The following DBF4 variants were observed in gnomAD, a reference collection of about 807,000 sequenced individuals.
DBF4 encodes the protein DBF4-CDC7 kinase regulatory subunit.
A neutral mutation model predicts 76.6 loss-of-function variants in DBF4; 25 were observed. The ratio of observed to expected loss-of-function variants is 0.33; its 90% CI spans 0.24 to 0.46. The LOEUF (loss-of-function observed/expected upper bound fraction) is 0.46. DBF4 is among the 20% of genes least tolerant of loss of function. The pLI is 1.00. For missense variants in DBF4, 638 were observed against 760.8 expected, an observed-to-expected ratio of 0.84 and a Z score of 1.90; for synonymous variants, 213 against 258.0, an observed-to-expected ratio of 0.83 and a Z score of 1.67.
chr7:87,888,310 CTTTTA>C (rs1236330742), intron 6 of DBF4: 2 of 984,948 alleles, frequency 2.0e-6, no homozygotes, highest in African/African-American at 3.5e-5. Context: ...GTAACAGGTA[CTTTTA>C]TTTATTCTGT....
rs751644133 is a variant in DBF4, at chr7:87,907,454, C to T, written c.1316C>T (p.Thr439Ile). 2.5e-5 allele frequency: 40 copies of T among 1,613,840 alleles called. No individual in the cohort carries two copies. Among genetic ancestry groups the T allele is most frequent in the Non-Finnish European group, 3.3e-5 (39 of 1,179,942 alleles). The stretch of plus-strand genomic sequence containing the variant: ...AGTAATAAATGTTCCATGTTAAGTA[C>T]AGCTGAAGATGACATAAGACAGAAT... ...KMSNKCSMLS[T>I]AEDDIRQNFT... Residue 439 changes from threonine to isoleucine, a missense_variant, in exon 12 of 12, where the codon ACA (threonine) becomes ATA (isoleucine). By Grantham distance (89) the Thr-to-Ile change is moderately conservative. Coordinates refer to ENST00000265728, the MANE Select transcript of DBF4 (RefSeq NM_006716.4).
At chr7:87,877,541 C>T (rs1166030740) in intron 1 of DBF4, among the ~76,000 whole-genome samples, 1 of 152,154 alleles carries the variant, frequency 6.6e-6, no homozygotes, top group Non-Finnish European at 1.5e-5. Flanking sequence ...AATACGTAGA[C>T]AAATTGTATG....
At position 87,878,233 on chromosome 7, in the gene DBF4, A is replaced by G. The variant is rs1839119342; in HGVS notation, c.219+8A>G. On this transcript the variant is annotated splice_region_variant and intron_variant, in intron 2 of 11. Transcript: ENST00000265728. ...ATTAAGGATCTGGGAGGGGTAAGTG[A>G]AAACCGTACACTGGCATAGAAGGAA... 1 of 1,602,234 alleles carries G rather than the reference A, an allele frequency of 6.2e-7. No homozygotes were observed.
intron 2 of DBF4, among the ~76,000 whole-genome samples, 165 bp from the exon 3 acceptor site, chr7:87,884,812 CTA>C (rs1354398024): frequency 6.6e-6 from 1 of 152,110 alleles, no homozygotes; most frequent in Non-Finnish European, 1.5e-5. Flanking sequence ...TGGCATGTGC[CTA>C]TAGTCCCAGC....
At chr7:87,876,834 T>C (rs1839060181) in intron 1 of DBF4, 56 bp downstream of exon 1, 7 of 1,589,448 alleles carry the variant, frequency 4.4e-6, no homozygotes, top group Non-Finnish European at 4.3e-6. Context: ...CCCTCGTGGT[T>C]CCACCATTGA....
intron 6 of DBF4, among the ~76,000 whole-genome samples, chr7:87,893,806 G>A (rs932429158): frequency 6.6e-6 from 1 of 152,158 alleles, no homozygotes; most frequent in Non-Finnish European, 1.5e-5. Context: ...TATACTTAAT[G>A]TAACTATTGA....
chr7:87,906,488 T>C (rs1247017897), intron 11 of DBF4, among the ~76,000 whole-genome samples: 3 of 152,174 alleles, frequency 2.0e-5, no homozygotes, highest in Non-Finnish European at 2.9e-5. Flanking sequence ...CAAAATGTAA[T>C]TGGTGAGCTA....
rs185673750 is a variant in DBF4, at chr7:87,896,800, T to A, written c.634+290T>A. Among the ~76,000 whole-genome samples, 573 of 152,358 alleles carry A rather than the reference T, an allele frequency of 3.8e-3. 3 individuals are homozygous for A. Among genetic ancestry groups the A allele is most frequent in the African/African-American group, 0.013 (552 of 41,580 alleles). ...TGTGAAATAGTGATAACTTGCTTTT[T>A]ATTACACAGAACAGATTCTAGCAGT... On this transcript the variant is annotated intron_variant, in intron 7 of 11. Transcript: ENST00000265728.
At position 87,885,182 on chromosome 7, in the gene DBF4, A is replaced by G. The variant is rs749912559; in HGVS notation, c.399+24A>G. On this transcript the variant is annotated intron_variant, in intron 3 of 11. Transcript: ENST00000265728. ...CAGTAAGTCTCTTAAATATGCTTTG[A>G]GACTCAGAAGGGCTATATCCTGAAG... 1.9e-6 allele frequency: 3 copies of G among 1,564,492 alleles called. No homozygotes were observed. In the South Asian group the frequency reaches 3.5e-5, roughly 19 times the overall value.
intron 11 of DBF4, among the ~76,000 whole-genome samples, chr7:87,906,079 A>AC (rs1839906043): frequency 6.6e-6 from 1 of 151,910 alleles, no homozygotes; most frequent in South Asian, 2.1e-4. Context: ...AATCACTTGA[A>AC]CCCGAGAAGC....
chr7:87,878,272 G>T (rs200747569), intron 2 of DBF4, 47 bp downstream of exon 2: 2 of 1,443,418 alleles, frequency 1.4e-6, no homozygotes, highest in Admixed American at 2.1e-5. Context: ...TTTGTAACTA[G>T]TACTTTCTAC....
intron 2 of DBF4, among the ~76,000 whole-genome samples, chr7:87,879,842 A>G (rs1461346222): frequency 2.0e-5 from 3 of 151,824 alleles, no homozygotes; most frequent in South Asian, 2.1e-4. Context: ...AGTCCCAGCT[A>G]TTCGGGAGGC....
chr7:87,884,099 GT>G (rs1399639742), intron 2 of DBF4, among the ~76,000 whole-genome samples: 2 of 152,128 alleles, frequency 1.3e-5, no homozygotes, highest in Admixed American at 6.5e-5. Flanking sequence ...AAGCGTAAAG[GT>G]TCCCTCCATC....
rs1326110783 is a variant in DBF4 at position 87,908,780 on chromosome 7, CTT to C, written c.*619_*620del. ...TTTTAATTACTTACCTTGTAAATAACTTTAATAATATTCAAAAGTTGACTCTC... is the reference window on the plus strand; with the variant it reads ...TTTTAATTACTTACCTTGTAAATAACTAATAATATTCAAAAGTTGACTCTC... On this transcript the variant is annotated 3_prime_UTR_variant, in exon 12 of 12. Transcript: ENST00000265728. 1 of 152,106 alleles carries C rather than the reference CTT, an allele frequency of 6.6e-6. No individual in the cohort carries two copies. The highest frequency in any genetic ancestry group is 1.5e-5 in the Non-Finnish European group (1 of 68,030). 9.4% of individuals were successfully genotyped at this position (152,106 alleles called of 1,614,324 possible).
At chr7:87,883,691 A>G (rs753819511) in intron 2 of DBF4, among the ~76,000 whole-genome samples, 19 of 152,226 alleles carry the variant, frequency 1.2e-4, no homozygotes, top group Non-Finnish European at 2.4e-4. Context: ...TGGTCTCAGT[A>G]GCAAATGCTG....
chr7:87,895,604 G>C lies in DBF4; in HGVS notation c.598-870G>C, dbSNP rs146448058. Among the ~76,000 whole-genome samples the C allele has an allele frequency of 5.3e-5, 8 of 152,198 alleles. No homozygotes were observed. The South Asian group carries it at 1.2e-3, about 24-fold the overall frequency. On this transcript the variant is annotated intron_variant, in intron 6 of 11. Transcript: ENST00000265728. ...ATTTTCAAAGCCCTTGCTATGCTGCGTTGGGTCTATCCTTAGCATGTGCAA... is the reference window on the plus strand; with the variant it reads ...ATTTTCAAAGCCCTTGCTATGCTGCCTTGGGTCTATCCTTAGCATGTGCAA...
rs544472225 is a variant in DBF4, at chr7:87,908,395, T to C, written c.*232T>C. On this transcript the variant is annotated 3_prime_UTR_variant, in exon 12 of 12. Coordinates refer to ENST00000265728, the MANE Select transcript of DBF4 (RefSeq NM_006716.4). ...TACATTATATATATGTTCGTAATTG[T>C]TTCCTGAGAATTACAATGAATAATA... 6.5e-6 allele frequency: 2 copies of C among 309,952 alleles called. No individual in the cohort carries two copies. The highest frequency in any genetic ancestry group is 1.1e-4 in the South Asian group (1 of 8,704). The allele number at this position is 309,952 out of a possible 1,614,324, so 19.2% of individuals were successfully genotyped here.
rs758616908 is a variant in DBF4, at chr7:87,907,428, G to T, written c.1290G>T (p.Met430Ile). 1.5e-5 allele frequency: 25 copies of T among 1,613,874 alleles called. No individual in the cohort carries two copies. Among genetic ancestry groups the T allele is most frequent in the Non-Finnish European group, 1.9e-5 (23 of 1,179,934 alleles). Residue 430 changes from methionine to isoleucine, a missense_variant, in exon 12 of 12, where the codon ATG becomes ATT. Coordinates refer to ENST00000265728, the MANE Select transcript of DBF4 (RefSeq NM_006716.4). ...AATTGAGAGGGCTTAATGAGAAAAT[G>T]AGTAATAAATGTTCCATGTTAAGTA... ...SNELRGLNEKMSNKCSMLSTA... is the reference protein window; with the variant it reads ...SNELRGLNEKISNKCSMLSTA...
chr7:87,885,325 G>T, intron 3 of DBF4, 167 bp downstream of exon 3: 1 of 524,314 alleles, frequency 1.9e-6, no homozygotes, highest in Non-Finnish European at 3.3e-6. Flanking sequence ...TAGGAAGGTG[G>T]GTTTTTCCTA....
Sources: gnomAD v4.1 joint callset for allele counts (sites outside exome capture counted in the v4.1 genomes callset) on GRCh38, gnomAD v4.1.1 for gene constraint, MANE v1.5 for transcripts, NCBI Gene and HGNC (gene_info 2026-07-23, HGNC 2026-07-21) for gene names.